FNBP4: variants seen among roughly 807,000 people sequenced by gnomAD.
FNBP4 encodes the protein formin binding protein 4.
Under a neutral mutation model 119.3 loss-of-function variants are expected in FNBP4, and 34 were observed. That is an observed-to-expected ratio of 0.28 (90% CI 0.22 to 0.38). The LOEUF (loss-of-function observed/expected upper bound fraction) is 0.38. Among genes scored for constraint, FNBP4 ranks in the 10% least tolerant of loss-of-function variants. The pLI, the probability that FNBP4 is intolerant of heterozygous loss-of-function variation, is 1.00. For missense variants in FNBP4, 1,112 were observed against 1,228.9 expected (o/e 0.90, Z 1.42); for synonymous variants, 462 against 430.6 (o/e 1.07, Z -0.90).
chr11:47,725,677 T>C, intron 12 of FNBP4: 1 of 621,034 alleles, frequency 1.6e-6, no homozygotes, highest in Non-Finnish European at 2.0e-6. Flanking sequence ...CCATCATTGA[T>C]TACTGTCTTT....
chr11:47,733,438 C>T (rs1000905743), intron 10 of FNBP4, among the ~76,000 whole-genome samples: 11 of 151,924 alleles, frequency 7.2e-5, no homozygotes, highest in East Asian at 3.9e-4. Context: ...TGGGTTCAAG[C>T]GATTCTCCTG....
Position 47,724,752 on chromosome 11 carries a change from C to A in FNBP4, c.2035G>T (p.Gly679Cys). ...TGSLCKESFS[G>C]QVSSSSLMPL... is the part of the protein sequence containing the mutation. ...ATGAGTGATGAAGAAGAAACTTGAC[C>A]AGAAAAGGATTCTTTACAAAGAGAA... Residue 679 changes from glycine (G) to cysteine (C), a missense_variant, in exon 13 of 17, where the codon GGT (glycine) becomes TGT (cysteine). By Grantham distance (159) the Gly-to-Cys change is radical (BLOSUM62 -3). Coordinates refer to ENST00000263773, the MANE Select transcript of FNBP4 (RefSeq NM_015308.5). The A allele has an allele frequency of 6.4e-7, 1 of 1,570,930 alleles. No homozygotes were observed. The highest frequency in any genetic ancestry group is 2.3e-5 in the East Asian group (1 of 44,256).
rs1340886811 is a variant in FNBP4 at position 47,724,727 on chromosome 11, A to G, written c.2060T>C (p.Met687Thr). The change falls in exon 13 of 17, where the codon ATG (methionine) becomes ACG (threonine). Residue 687 changes from methionine to threonine, a missense_variant. By Grantham distance (81) the Met-to-Thr change is moderately conservative. Transcript: ENST00000263773. The stretch of plus-strand genomic sequence containing the variant: ...GAGGGTCCAGAATGGAGTAAGTGGC[A>G]TGAGTGATGAAGAAGAAACTTGACC... ...FSGQVSSSSL[M>T]PLTPFWTLLQ... is the part of the protein sequence containing the mutation. 5 of 1,600,910 alleles carry G rather than the reference A, an allele frequency of 3.1e-6. No homozygotes were observed. Among genetic ancestry groups the G allele is most frequent in the Non-Finnish European group, 4.3e-6 (5 of 1,171,578 alleles).
rs1175223348 is a variant in FNBP4, at chr11:47,765,210, C to G, written c.313+60G>C. On this transcript the variant is annotated intron_variant, in intron 2 of 16. Coordinates refer to ENST00000263773, the MANE Select transcript of FNBP4 (RefSeq NM_015308.5). Reference sequence around the variant, plus strand: ...CAGCAAAACATTCTATGTACAAACCCAACTTGACTTTAATGAAAGACGTGG... The same window carrying G: ...CAGCAAAACATTCTATGTACAAACCGAACTTGACTTTAATGAAAGACGTGG... The G allele has an allele frequency of 2.4e-5, 27 of 1,124,926 alleles. No homozygotes were observed. In the East Asian group the frequency reaches 6.1e-4, roughly 25 times the overall value. The allele number at this position is 1,124,926 out of a possible 1,614,324, so 69.7% of individuals were successfully genotyped here.
In FNBP4 at chr11:47,717,215, A is replaced by C. The variant is rs2097550913; in HGVS notation, c.*207T>G. 5.8e-6 allele frequency: 3 copies of C among 521,540 alleles called. No homozygotes were observed. The South Asian group carries it at 8.0e-5, about 14-fold the overall frequency. The allele number at this position is 521,540 out of a possible 1,614,324, so 32.3% of individuals were successfully genotyped here. Reference sequence around the variant, plus strand: ...TTTGAGAATAAAGGCAGCATGGTCAAAGCAATTCCAATCACCTCATCCCTT... The same window carrying C: ...TTTGAGAATAAAGGCAGCATGGTCACAGCAATTCCAATCACCTCATCCCTT... On this transcript the variant is annotated 3_prime_UTR_variant, in exon 17 of 17. Transcript: ENST00000263773.
At chr11:47,747,096 A>T (rs1319752952) in intron 6 of FNBP4, among the ~76,000 whole-genome samples, 1 of 151,636 alleles carries the variant, frequency 6.6e-6, no homozygotes, top group Non-Finnish European at 1.5e-5. Context: ...CAATTGCGTG[A>T]TCTCAAGTCA....
chr11:47,750,577 G>T (rs185630440), intron 6 of FNBP4, among the ~76,000 whole-genome samples: 5 of 146,654 alleles, frequency 3.4e-5, no homozygotes, highest in African/African-American at 5.0e-5. Flanking sequence ...TAATCCCAGC[G>T]ACTCAGGAGG....
At position 47,746,371 on chromosome 11, in the gene FNBP4, A is replaced by C. The variant is rs762713680; in HGVS notation, c.930T>G (p.Ala310=). The change falls in exon 7 of 17, where the codon GCT becomes GCG. Residue 310 remains alanine (A), a synonymous_variant. Transcript: ENST00000263773. The part of the protein sequence containing the change: ...VKKEVNEGIQ[A]LSNSEEEKKG... ...TCTTCTCCTCCTCACTATTTGAGAG[A>C]GCCTGAATTCCTTCATTTACTTCCT... The C allele has an allele frequency of 2.5e-6, 4 of 1,601,260 alleles. No homozygotes were observed. The highest frequency in any genetic ancestry group is 1.8e-5 in the Admixed American group (1 of 56,488).
rs1278032461 is a variant in FNBP4, at chr11:47,746,301, T to G, written c.1000A>C (p.Ile334Leu). 6.2e-7 allele frequency: 1 copy of G among 1,614,032 alleles called. No individual in the cohort carries two copies. The highest frequency in any genetic ancestry group is 1.3e-5 in the African/African-American group (1 of 74,944). Residue 334 changes from isoleucine (I) to leucine (L), a missense_variant, in exon 7 of 17, where the codon ATA becomes CTA. This residue lies in a region of FNBP4 where 826 missense variants were observed against 988.8 expected (regional missense o/e 0.84). Coordinates refer to ENST00000263773, the MANE Select transcript of FNBP4 (RefSeq NM_015308.5). ...SLLAPLLPEG[I>L]KEEEERWRRK... ...CTCCATCTCTCTTCTTCTTCTTTTA[T>G]TCCCTCAGGCAATAAAGGAGCAAGC...
At chr11:47,754,380 A>C (rs2097611414) in intron 3 of FNBP4, 148 bp downstream of exon 3, 3 of 766,550 alleles carry the variant, frequency 3.9e-6, no homozygotes, top group Admixed American at 2.7e-5. Context: ...AAAAAGAGAG[A>C]TAGAGATCGG....
At chr11:47,719,610 G>GTGTGTGTGTA (rs1412654226) in intron 16 of FNBP4, among the ~76,000 whole-genome samples, 1 of 136,538 alleles carries the variant, frequency 7.3e-6, no homozygotes, top group African/African-American at 2.5e-5. Context: ...GTGTGTGTGT[G>GTGTGTGTGTA]TGTGTATAAA....
intron 4 of FNBP4, among the ~76,000 whole-genome samples, chr11:47,751,720 G>A (rs1341872225): frequency 6.6e-6 from 1 of 152,076 alleles, no homozygotes; most frequent in Non-Finnish European, 1.5e-5. Context: ...GGGAGGCCAA[G>A]GTGGGCAGAT....
chr11:47,739,160 G>C (rs1400188216), intron 8 of FNBP4, among the ~76,000 whole-genome samples: 1 of 151,848 alleles, frequency 6.6e-6, no homozygotes. Context: ...TCGAACTCCT[G>C]AACTCAAGTA....
intron 16 of FNBP4, 149 bp downstream of exon 16, chr11:47,719,780 A>T (rs2097553583): frequency 1.2e-6 from 1 of 838,000 alleles, no homozygotes; most frequent in Non-Finnish European, 1.8e-6. Context: ...CATGTTTATA[A>T]ATTAGAAACC....
intron 8 of FNBP4, among the ~76,000 whole-genome samples, chr11:47,739,097 C>T (rs1014529166): frequency 6.6e-6 from 1 of 151,390 alleles, no homozygotes; most frequent in Admixed American, 6.6e-5. Flanking sequence ...CCTCCAGCCT[C>T]ATTTTTTGTT....
At chr11:47,734,500 A>G (rs1294499485) in intron 9 of FNBP4, among the ~76,000 whole-genome samples, 1 of 152,108 alleles carries the variant, frequency 6.6e-6, no homozygotes, top group Non-Finnish European at 1.5e-5. Context: ...TACAGATGTG[A>G]GCCACTGTGC....
intron 3 of FNBP4, among the ~76,000 whole-genome samples, chr11:47,753,560 G>A (rs111890405): frequency 1.3e-5 from 2 of 152,012 alleles, no homozygotes; most frequent in African/African-American, 4.8e-5. Flanking sequence ...GCAGTGAGCC[G>A]AGATCACGCT....
At chr11:47,737,749 A>AT (rs554267023) in intron 8 of FNBP4, among the ~76,000 whole-genome samples, 375 of 137,396 alleles carry the variant, frequency 2.7e-3, no homozygotes, top group Middle Eastern at 0.02. Flanking sequence ...CTGCATCATA[A>AT]TTTTTTTTTT....
chr11:47,718,751 A>G (rs1231985228), intron 16 of FNBP4, among the ~76,000 whole-genome samples: 3 of 152,188 alleles, frequency 2.0e-5, no homozygotes, highest in Non-Finnish European at 2.9e-5. Context: ...TTCAGAATGT[A>G]TACCTTCAAA....
Sources: gnomAD v4.1 joint callset for allele counts (sites outside exome capture counted in the v4.1 genomes callset) on GRCh38, gnomAD v4.1.1 for gene constraint, gnomAD v4.1.1 regional missense constraint, MANE v1.5 for transcripts, NCBI Gene and HGNC (gene_info 2026-07-23, HGNC 2026-07-21) for gene names.